Variants in KCNAB1 observed in about 807,000 individuals in gnomAD.
KCNAB1 encodes potassium voltage-gated channel subfamily A regulatory beta subunit 1.
In KCNAB1, 35 loss-of-function variants were observed where a neutral mutation model predicts 64.6. That is an observed-to-expected ratio of 0.54 (90% CI 0.41 to 0.72). The LOEUF (loss-of-function observed/expected upper bound fraction) is 0.72. KCNAB1 is among the 30% of genes least tolerant of loss of function. KCNAB1 has a pLI of 0.00. For missense variants in KCNAB1, 401 were observed against 512.9 expected (o/e 0.78, Z 2.11); for synonymous variants, 177 against 183.8 (o/e 0.96, Z 0.30).
intron 1 of KCNAB1, among the ~76,000 whole-genome samples, chr3:156,185,889 GC>G (rs1713158737): frequency 6.6e-6 from 1 of 152,116 alleles, no homozygotes; most frequent in African/African-American, 2.4e-5. Flanking sequence ...CCTTTTGGGG[GC>G]AATGTGTTCT....
chr3:156,284,930 C>T (rs745335165), intron 1 of KCNAB1, among the ~76,000 whole-genome samples: 7 of 152,220 alleles, frequency 4.6e-5, no homozygotes, highest in South Asian at 2.1e-4. Flanking sequence ...CCGTCTTCGT[C>T]GCTCTTGCTG....
intron 8 of KCNAB1, among the ~76,000 whole-genome samples, chr3:156,481,136 T>C (rs1714766063): frequency 6.6e-6 from 1 of 152,092 alleles, no homozygotes; most frequent in South Asian, 2.1e-4. Context: ...CCAGATGCAC[T>C]GCATCTCTCT....
intron 8 of KCNAB1, among the ~76,000 whole-genome samples, chr3:156,494,588 T>C (rs1231316491): frequency 6.6e-6 from 1 of 152,172 alleles, no homozygotes; most frequent in Non-Finnish European, 1.5e-5. Context: ...AATTCCTATG[T>C]TGAAAGAGAT....
chr3:156,136,647 G>A (rs1347411100), intron 1 of KCNAB1, among the ~76,000 whole-genome samples: 1 of 152,130 alleles, frequency 6.6e-6, no homozygotes, highest in African/African-American at 2.4e-5. Context: ...TCCTTTCGAC[G>A]CCGCTCACCT....
rs541297487 is a variant in KCNAB1, at chr3:156,275,607, G to C, written c.276-146009G>C. On this transcript the variant is annotated intron_variant, in intron 1 of 13. Transcript: ENST00000490337. ...CCACTGCTTGATCAACCAAGCTTAC[G>C]GAATATTCTGAATCATTTGTTGTCA... is the stretch of plus-strand genomic sequence containing the variant. Among the ~76,000 whole-genome samples, 3 of 152,164 alleles carry C rather than the reference G, an allele frequency of 2.0e-5. No homozygotes were observed. The East Asian group carries it at 5.8e-4, about 29-fold the overall frequency.
intron 1 of KCNAB1, among the ~76,000 whole-genome samples, chr3:156,171,183 T>TCACG (rs1553812689): frequency 8.0e-5 from 6 of 74,966 alleles, no homozygotes; most frequent in Non-Finnish European, 1.0e-4. Context: ...GTTAGAAACT[T>TCACG]CACGCACACA....
intron 1 of KCNAB1, chr3:156,292,156 G>C: frequency 6.2e-7 from 1 of 1,611,452 alleles, no homozygotes; most frequent in Non-Finnish European, 8.5e-7. Flanking sequence ...CCTCTGTGCG[G>C]GGTATCCAGG....
At chr3:156,467,680 AT>A (rs1713522268) in intron 7 of KCNAB1, among the ~76,000 whole-genome samples, 1 of 152,014 alleles carries the variant, frequency 6.6e-6, no homozygotes, top group Admixed American at 6.6e-5. Context: ...CTAAGCCTTG[AT>A]TTTTTTCTTA....
intron 1 of KCNAB1, among the ~76,000 whole-genome samples, chr3:156,157,370 G>A (rs963877162): frequency 1.3e-5 from 2 of 152,234 alleles, no homozygotes; most frequent in Admixed American, 1.3e-4. Context: ...CCCTACCTAT[G>A]AGCAGAATAC....
chr3:156,121,009 T>C, intron 1 of KCNAB1, 123 bp downstream of exon 1: 2 of 1,147,538 alleles, frequency 1.7e-6, no homozygotes, highest in South Asian at 1.6e-5. Context: ...TTAGAGATGA[T>C]TGGCACTTCA....
At chr3:156,376,352 A>C (rs1033575929) in intron 1 of KCNAB1, among the ~76,000 whole-genome samples, 1 of 152,214 alleles carries the variant, frequency 6.6e-6, no homozygotes, top group Admixed American at 6.5e-5. Flanking sequence ...AGAGGAGCAG[A>C]GGATGAGCCA....
At chr3:156,395,539 C>T (rs866032698) in intron 1 of KCNAB1, among the ~76,000 whole-genome samples, 1,078 of 35,182 alleles carry the variant, frequency 0.031, 14 homozygotes, top group African/African-American at 0.068. Context: ...AGCGAGACTC[C>T]GTCTCAAAAA....
chr3:156,232,253 T>C (rs1716576272), intron 1 of KCNAB1, among the ~76,000 whole-genome samples: 1 of 152,212 alleles, frequency 6.6e-6, no homozygotes, highest in Admixed American at 6.5e-5. Flanking sequence ...TAAGTAGAAA[T>C]GTAGATTTGT....
intron 1 of KCNAB1, among the ~76,000 whole-genome samples, chr3:156,196,342 G>A (rs1713939689): frequency 6.6e-6 from 1 of 152,146 alleles, no homozygotes; most frequent in Non-Finnish European, 1.5e-5. Context: ...CAAGTTTTGT[G>A]AAGAAAGTCC....
intron 1 of KCNAB1, among the ~76,000 whole-genome samples, chr3:156,201,176 C>A (rs2108378399): frequency 6.6e-6 from 1 of 152,308 alleles, no homozygotes; most frequent in East Asian, 1.9e-4. Context: ...TGAGATGAAC[C>A]AAGTACCTTA....
At chr3:156,236,079 A>T (rs911292264) in intron 1 of KCNAB1, among the ~76,000 whole-genome samples, 6 of 152,154 alleles carry the variant, frequency 3.9e-5, no homozygotes, top group Non-Finnish European at 7.3e-5. Flanking sequence ...TTCTGAATTT[A>T]AAAAATATAA....
intron 1 of KCNAB1, chr3:156,143,568 T>TGTTTTTTG (rs1299030113): frequency 7.6e-6 from 2 of 262,948 alleles, no homozygotes; most frequent in Non-Finnish European, 1.3e-5. Flanking sequence ...GTTGCATTCT[T>TGTTTTTTG]GTTTTTTTTT....
At chr3:156,468,082 T>C (rs1396314890) in intron 7 of KCNAB1, among the ~76,000 whole-genome samples, 1 of 152,194 alleles carries the variant, frequency 6.6e-6, no homozygotes, top group Non-Finnish European at 1.5e-5. Context: ...ATATTTTCTC[T>C]CAGGCTGTCG....
At chr3:156,469,248 CTTTTTT>C (rs34567814) in intron 7 of KCNAB1, among the ~76,000 whole-genome samples, 3 of 72,956 alleles carry the variant, frequency 4.1e-5, no homozygotes, top group Admixed American at 1.8e-4. Context: ...TTCTTTCTTT[CTTTTTT>C]TTTTTTTTTT....
Sources: gnomAD v4.1 joint callset for allele counts (sites outside exome capture counted in the v4.1 genomes callset) on GRCh38, gnomAD v4.1.1 for gene constraint, MANE v1.5 for transcripts, NCBI Gene and HGNC (gene_info 2026-07-23, HGNC 2026-07-21) for gene names.